The following SGPP1 variants were observed in gnomAD, a reference collection of about 807,000 sequenced individuals.
SGPP1 encodes the protein sphingosine-1-phosphate phosphatase 1.
SGPP1 carries 21 observed loss-of-function variants against 33.0 expected under a neutral mutation model. That is an observed-to-expected ratio of 0.64 (90% CI 0.45 to 0.92). SGPP1 has a LOEUF of 0.92. Among genes scored for constraint, SGPP1 ranks in the 40% least tolerant of loss-of-function variants. SGPP1 has a pLI of 0.00. For synonymous variants in SGPP1, 239 were observed against 241.2 expected (o/e 0.99, Z 0.08); for missense variants, 543 against 589.4 (o/e 0.92, Z 0.81).
intron 1 of SGPP1, among the ~76,000 whole-genome samples, chr14:63,702,065 A>C (rs926933870): frequency 2.0e-5 from 3 of 152,146 alleles, no homozygotes; most frequent in African/African-American, 7.2e-5. Context: ...TATACACAAC[A>C]AACTGAAGAA....
chr14:63,717,488 A>C (rs899426425), intron 1 of SGPP1, among the ~76,000 whole-genome samples: 1 of 151,878 alleles, frequency 6.6e-6, no homozygotes, highest in African/African-American at 2.4e-5. Flanking sequence ...TGCCCGGCTA[A>C]TTTTTTTGCA....
intron 1 of SGPP1, among the ~76,000 whole-genome samples, chr14:63,714,184 T>C (rs915180799): frequency 1.3e-5 from 2 of 152,212 alleles, no homozygotes; most frequent in Admixed American, 1.3e-4. Flanking sequence ...TGTAGAAACT[T>C]AATAAACGAA....
chr14:63,726,343 T>C (rs976964299), intron 1 of SGPP1, among the ~76,000 whole-genome samples: 7 of 152,098 alleles, frequency 4.6e-5, no homozygotes, highest in Admixed American at 2.0e-4. Context: ...TTAACAAATC[T>C]TACAGTTCAA....
At chr14:63,718,528 T>C (rs1885678606) in intron 1 of SGPP1, among the ~76,000 whole-genome samples, 1 of 151,964 alleles carries the variant, frequency 6.6e-6, no homozygotes, top group Non-Finnish European at 1.5e-5. Flanking sequence ...ACAAAAATAA[T>C]AACGATGAAT....
At position 63,714,762 on chromosome 14, in the gene SGPP1, CAG is replaced by C. The variant is rs752748868; in HGVS notation, c.684+12497_684+12498del. On this transcript the variant is annotated intron_variant, in intron 1 of 2. Transcript: ENST00000247225. Reference sequence around the variant, plus strand: ...TTTATTTATTTTTTTTTTTTTGAGACAGGGTCTCACTGAGTTGCCCAAGCTGG... The same window carrying C: ...TTTATTTATTTTTTTTTTTTTGAGACGGTCTCACTGAGTTGCCCAAGCTGG... Among the ~76,000 whole-genome samples the C allele has an allele frequency of 1.1e-4, 17 of 148,534 alleles. No homozygotes were observed. The South Asian group carries it at 1.5e-3, about 13-fold the overall frequency.
chr14:63,718,309 C>A (rs1459425151), intron 1 of SGPP1, among the ~76,000 whole-genome samples: 1 of 151,278 alleles, frequency 6.6e-6, no homozygotes, highest in East Asian at 1.9e-4. Context: ...ATTCTGAATT[C>A]TGTATCTTTA....
chr14:63,693,833 T>G (rs190883470), intron 2 of SGPP1, among the ~76,000 whole-genome samples: 8 of 152,286 alleles, frequency 5.3e-5, no homozygotes, highest in Admixed American at 5.2e-4. Context: ...AGGTTGGTCT[T>G]GAACTCCTCC....
intron 2 of SGPP1, among the ~76,000 whole-genome samples, chr14:63,687,440 A>G (rs1050607323): frequency 5.9e-5 from 9 of 152,140 alleles, no homozygotes; most frequent in Admixed American, 5.9e-4. Context: ...ACTGTTGATA[A>G]CCACATAAGA....
intron 1 of SGPP1, among the ~76,000 whole-genome samples, chr14:63,700,465 G>A (rs191532063): frequency 9.2e-5 from 14 of 152,094 alleles, no homozygotes; most frequent in African/African-American, 1.2e-4. Context: ...TTCCTTAGCC[G>A]TTGTATTCAA....
At chr14:63,687,536 C>G (rs530019761) in intron 2 of SGPP1, among the ~76,000 whole-genome samples, 2 of 152,032 alleles carry the variant, frequency 1.3e-5, no homozygotes, top group Non-Finnish European at 2.9e-5. Flanking sequence ...ATGAAGGACC[C>G]GATTAGAGTA....
chr14:63,723,893 T>C (rs1885825666), intron 1 of SGPP1, among the ~76,000 whole-genome samples: 1 of 152,116 alleles, frequency 6.6e-6, no homozygotes, highest in African/African-American at 2.4e-5. Flanking sequence ...GTCTTTTTTT[T>C]TTGAGATAGG....
intron 1 of SGPP1, among the ~76,000 whole-genome samples, chr14:63,706,623 C>G (rs1885413061): frequency 6.6e-6 from 1 of 152,126 alleles, no homozygotes; most frequent in Admixed American, 6.6e-5. Context: ...CAGCCACCAG[C>G]CTTACCATAT....
chr14:63,710,510 C>T (rs192540269), intron 1 of SGPP1, among the ~76,000 whole-genome samples: 19 of 152,266 alleles, frequency 1.2e-4, no homozygotes, highest in Non-Finnish European at 2.4e-4. Flanking sequence ...AAAGGAGATG[C>T]ATTAAAAGGA....
chr14:63,684,381 T>G lies in SGPP1; in HGVS notation c.*1724A>C, dbSNP rs1884928417. Reference sequence around the variant, plus strand: ...AATTATGGGAAACGGTCCCTAAAATTCAATTCATTAAACATACATTTTGAA... The same window carrying G: ...AATTATGGGAAACGGTCCCTAAAATGCAATTCATTAAACATACATTTTGAA... On this transcript the variant is annotated 3_prime_UTR_variant, in exon 3 of 3. Coordinates refer to ENST00000247225, the MANE Select transcript of SGPP1 (RefSeq NM_030791.4). 6.6e-6 allele frequency: 1 copy of G among 152,084 alleles called. No individual in the cohort carries two copies. Among genetic ancestry groups the G allele is most frequent in the South Asian group, 2.1e-4 (1 of 4,832 alleles). The allele number at this position is 152,084 out of a possible 1,614,324, so 9.4% of individuals were successfully genotyped here.
At chr14:63,692,167 C>T (rs938780254) in intron 2 of SGPP1, among the ~76,000 whole-genome samples, 1 of 152,170 alleles carries the variant, frequency 6.6e-6, no homozygotes, top group Non-Finnish European at 1.5e-5. Context: ...CACATTTAAC[C>T]ATAACAACCA....
At chr14:63,688,473 T>TTA (rs1885029182) in intron 2 of SGPP1, among the ~76,000 whole-genome samples, 1 of 151,990 alleles carries the variant, frequency 6.6e-6, no homozygotes, top group South Asian at 2.1e-4. Flanking sequence ...AGAAGATGGT[T>TTA]TACTTGAGGA....
chr14:63,697,031 G>T (rs903395578), intron 2 of SGPP1, among the ~76,000 whole-genome samples: 1 of 152,110 alleles, frequency 6.6e-6, no homozygotes, highest in Non-Finnish European at 1.5e-5. Context: ...AGGAGAGAGG[G>T]AGAGCGGGGG....
intron 1 of SGPP1, among the ~76,000 whole-genome samples, chr14:63,718,585 G>C (rs1200820270): frequency 6.6e-6 from 1 of 151,884 alleles, no homozygotes; most frequent in African/African-American, 2.4e-5. Context: ...ACAAAGAGAG[G>C]GCAGGGATAA....
At chr14:63,724,851 C>T in intron 1 of SGPP1, among the ~76,000 whole-genome samples, 1 of 150,666 alleles carries the variant, frequency 6.6e-6, no homozygotes, top group South Asian at 2.1e-4. Flanking sequence ...CACAGCACTC[C>T]AGCCTGGGCA....
Sources: allele counts gnomAD v4.1 joint callset (sites outside exome capture counted in the v4.1 genomes callset), GRCh38; gene constraint gnomAD v4.1.1; transcripts MANE v1.5; gene names NCBI Gene and HGNC (gene_info 2026-07-23, HGNC 2026-07-21).